RYR2: variants seen among roughly 807,000 people sequenced by gnomAD.
The protein encoded by RYR2 is cardiac muscle ryanodine receptor-calcium release channel.
In RYR2, 227 loss-of-function variants were observed where a neutral mutation model predicts 601.1. The ratio of observed to expected loss-of-function variants is 0.38; its 90% CI spans 0.34 to 0.42. RYR2 has a LOEUF of 0.42. Ranked by LOEUF, RYR2 falls within the 10% of genes least tolerant of loss-of-function variation. The pLI, the probability that RYR2 is intolerant of heterozygous loss-of-function variation, is 1.00. For missense variants in RYR2, 4,646 were observed against 6,156.5 expected (o/e 0.75, Z 8.21); for synonymous variants, 2,223 against 2,175.1 (o/e 1.02, Z -0.61).
In RYR2 at chr1:237,595,481, G is replaced by T; in HGVS notation, c.4437-17G>T. The T allele has an allele frequency of 6.2e-7, 1 of 1,601,214 alleles. No homozygotes were observed. Among genetic ancestry groups the T allele is most frequent in the Non-Finnish European group, 8.5e-7 (1 of 1,175,728 alleles). On this transcript the variant is annotated splice_polypyrimidine_tract_variant and intron_variant, in intron 33 of 104. Transcript: ENST00000366574. The stretch of plus-strand genomic sequence containing the variant: ...TCTGTGGTTGTACAAAGATAAAAAT[G>T]TTCTTTTGAAATTCAGCATCAAACG...
chr1:237,175,694 T>A (rs1052058523), intron 1 of RYR2, among the ~76,000 whole-genome samples: 1 of 152,186 alleles, frequency 6.6e-6, no homozygotes, highest in Non-Finnish European at 1.5e-5. Flanking sequence ...GTATCTCTGA[T>A]TTCAAGCAGA....
At chr1:237,216,597 G>A (rs768265093) in intron 1 of RYR2, among the ~76,000 whole-genome samples, 2 of 151,570 alleles carry the variant, frequency 1.3e-5, no homozygotes, top group Admixed American at 6.6e-5. Flanking sequence ...AAAATTAGCC[G>A]GGCATGGTGG....
chr1:237,066,178 T>C (rs527417631), intron 1 of RYR2, among the ~76,000 whole-genome samples: 84 of 152,376 alleles, frequency 5.5e-4, no homozygotes, highest in African/African-American at 1.8e-3. Flanking sequence ...CACATTTTGT[T>C]TGGCCATTTA....
At chr1:237,383,447 T>G (rs1476690380) in intron 8 of RYR2, among the ~76,000 whole-genome samples, 2 of 110,304 alleles carry the variant, frequency 1.8e-5, no homozygotes, top group Non-Finnish European at 3.6e-5. Flanking sequence ...TTTTTTTTTT[T>G]GAGACAGAGT....
chr1:237,486,417 T>A (rs1662690581), intron 17 of RYR2, among the ~76,000 whole-genome samples: 1 of 152,216 alleles, frequency 6.6e-6, no homozygotes, highest in African/African-American at 2.4e-5. Flanking sequence ...AAACTCTCAG[T>A]ACTGTAATTT....
At chr1:237,778,627 T>C (rs1288843802) in intron 87 of RYR2, 39 bp from the exon 88 acceptor site, 2 of 1,097,632 alleles carry the variant, frequency 1.8e-6, no homozygotes, top group Non-Finnish European at 2.8e-6. Context: ...GGCAAATAAA[T>C]TATGAGGAAT....
At chr1:237,759,743 T>G in intron 82 of RYR2, 33 bp from the exon 83 acceptor site, 1 of 1,289,448 alleles carries the variant, frequency 7.8e-7, no homozygotes, top group Non-Finnish European at 1.1e-6. Context: ...AGATTTTTGT[T>G]CAGTGGCCAC....
intron 97 of RYR2, among the ~76,000 whole-genome samples, chr1:237,799,132 A>T (rs1659644832): frequency 6.6e-6 from 1 of 152,158 alleles, no homozygotes; most frequent in African/African-American, 2.4e-5. Context: ...AACTTACTGA[A>T]AACAACTTGG....
chr1:237,636,735 T>G (rs1307825879), intron 44 of RYR2, among the ~76,000 whole-genome samples: 2 of 152,216 alleles, frequency 1.3e-5, no homozygotes, highest in Non-Finnish European at 2.9e-5. Context: ...GCATGAATGT[T>G]TCTAACAGCT....
chr1:237,132,550 T>A (rs369088941), intron 1 of RYR2, among the ~76,000 whole-genome samples: 38 of 152,326 alleles, frequency 2.5e-4, no homozygotes, highest in African/African-American at 8.9e-4. Context: ...GAGGCAGAAT[T>A]GGTGAACTTG....
chr1:237,690,085 C>G (rs1686806260), intron 63 of RYR2, among the ~76,000 whole-genome samples: 1 of 152,150 alleles, frequency 6.6e-6, no homozygotes, highest in African/African-American at 2.4e-5. Flanking sequence ...GATCTGCCCA[C>G]CTCGGTCTGC....
intron 10 of RYR2, among the ~76,000 whole-genome samples, chr1:237,397,316 G>A (rs2149905424): frequency 6.6e-6 from 1 of 152,214 alleles, no homozygotes; most frequent in South Asian, 2.1e-4. Context: ...TTTTACAGAG[G>A]TTAATTCTAA....
rs528016256 is a variant in RYR2, at chr1:237,698,847, C to T, written c.9068-118C>T. ...GATTTCAAACTTGATTATTAAAAAA[C>T]CTTTTAAAATATTACTGTTGTGTCA... On this transcript the variant is annotated intron_variant, in intron 63 of 104. Transcript: ENST00000366574. 535 of 566,852 alleles carry T rather than the reference C, an allele frequency of 9.4e-4. 6 individuals are homozygous for T. The highest frequency in any genetic ancestry group is 1.2e-4 in the Non-Finnish European group (38 of 320,516). 35.1% of individuals were successfully genotyped at this position (566,852 alleles called of 1,614,324 possible).
intron 47 of RYR2, among the ~76,000 whole-genome samples, chr1:237,642,763 G>C (rs1183810472): frequency 2.6e-5 from 4 of 152,130 alleles, no homozygotes; most frequent in Admixed American, 1.3e-4. Flanking sequence ...CAGTCATCCT[G>C]GATACTTCAT....
intron 36 of RYR2, among the ~76,000 whole-genome samples, chr1:237,613,740 C>T (rs961813919): frequency 9.2e-5 from 14 of 152,148 alleles, no homozygotes; most frequent in African/African-American, 2.7e-4. Flanking sequence ...GCTCCAAAAT[C>T]GGAAACATTT....
intron 2 of RYR2, among the ~76,000 whole-genome samples, chr1:237,282,770 G>A (rs919948884): frequency 6.6e-6 from 1 of 152,132 alleles, no homozygotes. Context: ...GGTAAAATAC[G>A]AATATAGCTC....
chr1:237,125,064 C>T (rs1211283886), intron 1 of RYR2, among the ~76,000 whole-genome samples: 2 of 152,206 alleles, frequency 1.3e-5, no homozygotes, highest in Non-Finnish European at 2.9e-5. Context: ...TCTCCCTCTA[C>T]TGGCTGCAGA....
intron 54 of RYR2, among the ~76,000 whole-genome samples, chr1:237,658,861 T>C (rs1040940694): frequency 6.6e-6 from 1 of 152,208 alleles, no homozygotes; most frequent in South Asian, 2.1e-4. Context: ...TTTTTGTGTG[T>C]TTTCAAGAAA....
At chr1:237,329,670 A>G (rs556064854) in intron 2 of RYR2, among the ~76,000 whole-genome samples, 30 of 152,068 alleles carry the variant, frequency 2.0e-4, no homozygotes, top group African/African-American at 6.8e-4. Flanking sequence ...TAAAACATAT[A>G]TATGTTAATA....
Sources: allele counts gnomAD v4.1 joint callset (sites outside exome capture counted in the v4.1 genomes callset), GRCh38; gene constraint gnomAD v4.1.1; transcripts MANE v1.5; gene names NCBI Gene and HGNC (gene_info 2026-07-23, HGNC 2026-07-21).